The following ASPG variants were observed in gnomAD, a reference collection of about 807,000 sequenced individuals.
ASPG encodes the protein asparaginase, also known as 60 kDa lysophospholipase.
Under a neutral mutation model 63.2 loss-of-function variants are expected in ASPG, and 53 were observed. The observed-to-expected ratio is 0.84, with a 90% CI of 0.67 to 1.05. ASPG has a LOEUF of 1.05. ASPG is among the 50% of genes least tolerant of loss of function. The pLI is 0.00. For synonymous variants in ASPG, 370 were observed against 355.0 expected (o/e 1.04, Z -0.48); for missense variants, 741 against 794.4 (o/e 0.93, Z 0.81).
chr14:104,106,445 C>T (rs773954827), intron 10 of ASPG, among the ~76,000 whole-genome samples: 9 of 152,164 alleles, frequency 5.9e-5, no homozygotes, highest in Non-Finnish European at 1.0e-4. Context: ...TTCCCACGCT[C>T]TCCTTATGTG....
In ASPG at chr14:104,110,643, A is replaced by G; in HGVS notation, c.1521-859A>G. 4 of 985,290 alleles carry G rather than the reference A, an allele frequency of 4.1e-6. No homozygotes were observed. Among genetic ancestry groups the G allele is most frequent in the Non-Finnish European group, 4.8e-6 (4 of 829,862 alleles). 61.0% of individuals were successfully genotyped at this position (985,290 alleles called of 1,614,324 possible). A position where few individuals can be genotyped will look rare whatever the true frequency, so the allele number is the denominator to read the frequency against. On this transcript the variant is annotated intron_variant, in intron 13 of 15. Coordinates refer to ENST00000551177, the MANE Select transcript of ASPG (RefSeq NM_001080464.3). The surrounding 1 kb of genome is among the most constrained non-coding windows in gnomAD (Gnocchi z 4.7). ...TGAGGCCATCCAGCAGATTCGCTGC[A>G]GAGATTACCCAGTGCCACTGCAGGG... is the stretch of plus-strand genomic sequence containing the variant.
At chr14:104,103,381 T>C (rs1356627141) in intron 6 of ASPG, among the ~76,000 whole-genome samples, 182 bp from the exon 7 acceptor site, 2 of 152,226 alleles carry the variant, frequency 1.3e-5, no homozygotes, top group South Asian at 2.1e-4. Flanking sequence ...CAGGCCGGAC[T>C]GCGCGGAAGC....
chr14:104,105,331 C>T lies in ASPG; in HGVS notation c.1054C>T (p.Leu352=). Residue 352 remains leucine, a synonymous_variant, in exon 10 of 16, where the codon CTG becomes TTG. Coordinates refer to ENST00000551177, the MANE Select transcript of ASPG (RefSeq NM_001080464.3). ...TCACCTCTGTTCTCTCCACCAGCTG[C>T]TGACCAAGGACCTTCGGGGGGAGAT... The part of the protein sequence containing the change: ...GLSLDVRKEL[L]TKDLRGEMTP... 6.2e-7 allele frequency: 1 copy of T among 1,612,662 alleles called. No individual in the cohort carries two copies. The highest frequency in any genetic ancestry group is 8.5e-7 in the Non-Finnish European group (1 of 1,179,776).
Position 104,110,359 on chromosome 14 carries a change from T to A in ASPG, c.1520+1044T>A. The A allele has an allele frequency of 1.0e-6, 1 of 985,346 alleles. No individual in the cohort carries two copies. The highest frequency in any genetic ancestry group is 4.7e-5 in the South Asian group (1 of 21,286). 61.0% of individuals were successfully genotyped at this position (985,346 alleles called of 1,614,324 possible). Reference sequence around the variant, plus strand: ...ACCGGCCCACAACCCCTGGTCTTGCTTTTGAAGGGACTTCCGGGGTGACTT... The same window carrying A: ...ACCGGCCCACAACCCCTGGTCTTGCATTTGAAGGGACTTCCGGGGTGACTT... On this transcript the variant is annotated intron_variant, in intron 13 of 15. Transcript: ENST00000551177. This position sits in a 1 kb window ranked among gnomAD's most constrained non-coding sequence, Gnocchi z 4.7.
chr14:104,098,195 T>C (rs1314191875), intron 5 of ASPG, among the ~76,000 whole-genome samples: 1 of 152,038 alleles, frequency 6.6e-6, no homozygotes. Context: ...GAGATGCGTA[T>C]GGAGGTTTTA....
Position 104,094,117 on chromosome 14 carries a change from G to A in ASPG, c.303+515G>A, listed in dbSNP as rs115303011. ...GGCAGGGTCCACGTGTCAGAGCTGC[G>A]GGCAAGGCTCTGAGTTCCTCTCCCC... On this transcript the variant is annotated intron_variant, in intron 3 of 15. Coordinates refer to ENST00000551177, the MANE Select transcript of ASPG (RefSeq NM_001080464.3). Among the ~76,000 whole-genome samples, 207 of 152,106 alleles carry A rather than the reference G, an allele frequency of 1.4e-3. 1 individual carries two copies. The highest frequency in any genetic ancestry group is 4.5e-3 in the African/African-American group (187 of 41,458).
At chr14:104,108,846 A>C in intron 12 of ASPG, 1 of 985,362 alleles carries the variant, frequency 1.0e-6, no homozygotes, top group Non-Finnish European at 1.2e-6. Context: ...AGCTCATGTA[A>C]GGCTGTCCTC....
At chr14:104,086,803 T>C (rs2036233079) in intron 1 of ASPG, among the ~76,000 whole-genome samples, 1 of 152,112 alleles carries the variant, frequency 6.6e-6, no homozygotes, top group African/African-American at 2.4e-5. Context: ...CACTCCCTGC[T>C]GCCCTGGCCC....
In ASPG at chr14:104,085,712, C is replaced by T; in HGVS notation, c.-59C>T. The T allele has an allele frequency of 1.4e-6, 2 of 1,423,386 alleles. No individual in the cohort carries two copies. Among genetic ancestry groups the T allele is most frequent in the Non-Finnish European group, 1.8e-6 (2 of 1,084,892 alleles). The allele number at this position is 1,423,386 out of a possible 1,614,324, so 88.2% of individuals were successfully genotyped here. A position where few individuals can be genotyped will look rare whatever the true frequency, so the allele number is the denominator to read the frequency against. Reference sequence around the variant, plus strand: ...GCCTCCTCCGCGCAGTCCCTGAGTCCCGCAGGCCCTGCGTCCCCGCTGCAC... The same window carrying T: ...GCCTCCTCCGCGCAGTCCCTGAGTCTCGCAGGCCCTGCGTCCCCGCTGCAC... On this transcript the variant is annotated 5_prime_UTR_variant, in exon 1 of 16. Transcript: ENST00000551177.
chr14:104,103,148 C>T lies in ASPG; in HGVS notation c.641-415C>T, dbSNP rs550488902. ...GACTGCTGGTGGCTCCCCAGCTGGG[C>T]ATGCCTGCCCTCCTCGCCTCTGCGC... On this transcript the variant is annotated intron_variant, in intron 6 of 15. Coordinates refer to ENST00000551177, the MANE Select transcript of ASPG (RefSeq NM_001080464.3). 7.9e-5 allele frequency among the ~76,000 whole-genome samples: 12 copies of T among 152,372 alleles called. No homozygotes were observed. In the South Asian group the frequency reaches 2.5e-3, roughly 32 times the overall value.
chr14:104,110,587 G>A lies in ASPG; in HGVS notation c.1521-915G>A. 1 of 985,284 alleles carries A rather than the reference G, an allele frequency of 1.0e-6. No homozygotes were observed. The highest frequency in any genetic ancestry group is 1.2e-6 in the Non-Finnish European group (1 of 829,860). 61.0% of individuals were successfully genotyped at this position (985,284 alleles called of 1,614,324 possible). On this transcript the variant is annotated intron_variant, in intron 13 of 15. Coordinates refer to ENST00000551177, the MANE Select transcript of ASPG (RefSeq NM_001080464.3). The surrounding 1 kb of genome is among the most constrained non-coding windows in gnomAD (Gnocchi z 4.7). Reference sequence around the variant, plus strand: ...AGGGGCCGGTGTGTGTGTGGGGCTTGGCCTCTTGGAGCAGGTCCAGGAGGG... The same window carrying A: ...AGGGGCCGGTGTGTGTGTGGGGCTTAGCCTCTTGGAGCAGGTCCAGGAGGG...
At chr14:104,097,743 C>A in intron 5 of ASPG, 106 bp downstream of exon 5, 4 of 1,012,306 alleles carry the variant, frequency 4.0e-6, no homozygotes, top group Non-Finnish European at 5.9e-6. Context: ...ACGCCACTGC[C>A]AATAGCTGGG....
At chr14:104,099,171 C>G (rs1357190943) in intron 6 of ASPG, among the ~76,000 whole-genome samples, 192 bp downstream of exon 6, 1 of 152,220 alleles carries the variant, frequency 6.6e-6, no homozygotes, top group Non-Finnish European at 1.5e-5. Flanking sequence ...TGCGTGGCCA[C>G]AGAGGTGGGG....
At position 104,109,103 on chromosome 14, in the gene ASPG, T is replaced by TGTGG; in HGVS notation, c.1434-124_1434-121dup. 4.0e-6 allele frequency: 6 copies of TGTGG among 1,507,168 alleles called. No individual in the cohort carries two copies. Among genetic ancestry groups the TGTGG allele is most frequent in the Non-Finnish European group, 5.3e-6 (6 of 1,128,618 alleles). 93.4% of individuals were successfully genotyped at this position (1,507,168 alleles called of 1,614,324 possible). A position where few individuals can be genotyped will look rare whatever the true frequency, so the allele number is the denominator to read the frequency against. On this transcript the variant is annotated intron_variant, in intron 12 of 15. Coordinates refer to ENST00000551177, the MANE Select transcript of ASPG (RefSeq NM_001080464.3). This position sits in a 1 kb window ranked among gnomAD's most constrained non-coding sequence, Gnocchi z 4.8. ...ATGGGCCCTTGTCTGAGGCTAGGGC[T>TGTGG]GTGGGGTCTTGGGCCGGCCGGTCCC...
chr14:104,106,956 C>A, intron 11 of ASPG, 62 bp downstream of exon 11: 1 of 1,485,998 alleles, frequency 6.7e-7, no homozygotes, highest in Non-Finnish European at 9.1e-7. Flanking sequence ...GCTCTGAACC[C>A]TGTAGGCAGG....
At chr14:104,085,902 G>C in intron 1 of ASPG, 50 bp downstream of exon 1, 1 of 1,512,458 alleles carries the variant, frequency 6.6e-7, no homozygotes, top group Non-Finnish European at 8.8e-7. Flanking sequence ...GGCCGCGACC[G>C]GGAGCCTCGG....
rs1481732421 is a variant in ASPG, at chr14:104,097,562, C to T, written c.438C>T (p.Ile146=). 1 of 1,554,144 alleles carries T rather than the reference C, an allele frequency of 6.4e-7. No homozygotes were observed. The highest frequency in any genetic ancestry group is 1.9e-5 in the Admixed American group (1 of 51,456). Residue 146 remains isoleucine, a synonymous_variant, in exon 5 of 16, where the codon ATC becomes ATT. Transcript: ENST00000551177. ...TVILTGAQVP[I]HALWSDGREN... is the part of the protein sequence containing the mutation. ...CGTGGCCTCTCCCCCAGGTGCCCATCCATGCCCTGTGGAGCGACGGCCGTG... is the reference window on the plus strand; with the variant it reads ...CGTGGCCTCTCCCCCAGGTGCCCATTCATGCCCTGTGGAGCGACGGCCGTG...
chr14:104,108,358 C>A, intron 12 of ASPG: 1 of 961,174 alleles, frequency 1.0e-6, no homozygotes. Context: ...CGGAGACGAG[C>A]TCACACAGTC....
At chr14:104,102,311 C>G (rs572244897) in intron 6 of ASPG, among the ~76,000 whole-genome samples, 13 of 152,130 alleles carry the variant, frequency 8.5e-5, no homozygotes, top group African/African-American at 2.9e-4. Context: ...ACATCTCCCC[C>G]CTTCAGCTCC....
Sources: gnomAD v4.1 joint callset for allele counts (sites outside exome capture counted in the v4.1 genomes callset) on GRCh38, gnomAD v4.1.1 for gene constraint, Gnocchi (gnomAD v3.1) non-coding constraint, MANE v1.5 for transcripts, NCBI Gene and HGNC (gene_info 2026-07-23, HGNC 2026-07-21) for gene names.